Variants in EPN2 observed in about 807,000 individuals in gnomAD.
EPN2 encodes epsin 2.
Under a neutral mutation model 61.7 loss-of-function variants are expected in EPN2, and 34 were observed. The ratio of observed to expected loss-of-function variants is 0.55; its 90% CI spans 0.42 to 0.73. The LOEUF (loss-of-function observed/expected upper bound fraction) is 0.73, where lower values mean the gene tolerates loss of function less well. EPN2 is among the 30% of genes least tolerant of loss of function. EPN2 has a pLI of 0.00. For missense variants in EPN2, 714 were observed against 839.2 expected (o/e 0.85, Z 1.84); for synonymous variants, 349 against 353.6 (o/e 0.99, Z 0.15).
rs2045380842 is a variant in EPN2, at chr17:19,283,862, G to A, written c.595+148G>A. 1 of 641,964 alleles carries A rather than the reference G, an allele frequency of 1.6e-6. No individual in the cohort carries two copies. Among genetic ancestry groups the A allele is most frequent in the Non-Finnish European group, 2.7e-6 (1 of 376,410 alleles). The allele number at this position is 641,964 out of a possible 1,614,324, so 39.8% of individuals were successfully genotyped here. A position where few individuals can be genotyped will look rare whatever the true frequency, so the allele number is the denominator to read the frequency against. On this transcript the variant is annotated intron_variant, in intron 3 of 10. Coordinates refer to ENST00000314728, the MANE Select transcript of EPN2 (RefSeq NM_014964.5). The surrounding 1 kb of genome is among the most constrained non-coding windows in gnomAD (Gnocchi z 7.0). ...CAGCTTTTGGTGGCCCAGGCAAATT[G>A]TCCTTGGTCTGGATTGAGTTTTGGT...
intron 7 of EPN2, among the ~76,000 whole-genome samples, chr17:19,327,614 GTGAGCTGTGAT>G (rs2152238821): frequency 6.6e-6 from 1 of 152,274 alleles, no homozygotes; most frequent in Non-Finnish European, 1.5e-5. Context: ...TGGAGGCGTA[GTGAGCTGTGAT>G]TGCACCACTG....
At chr17:19,316,985 G>A (rs1238834365) in intron 7 of EPN2, among the ~76,000 whole-genome samples, 2 of 152,226 alleles carry the variant, frequency 1.3e-5, no homozygotes, top group Non-Finnish European at 1.5e-5. Flanking sequence ...TAGCCTCAGA[G>A]CAAGAGTGTG....
At chr17:19,308,534 TG>T (rs1416668612) in intron 4 of EPN2, 4 of 984,996 alleles carry the variant, frequency 4.1e-6, no homozygotes, top group Non-Finnish European at 4.8e-6. Flanking sequence ...GGTGCAGAGG[TG>T]CAGAGTCTGA....
intron 4 of EPN2, among the ~76,000 whole-genome samples, chr17:19,287,066 G>A (rs1266857305): frequency 6.6e-6 from 1 of 152,006 alleles, no homozygotes; most frequent in African/African-American, 2.4e-5. Context: ...TGTTACCCTG[G>A]CCCTCTAGCT....
intron 1 of EPN2, among the ~76,000 whole-genome samples, chr17:19,268,185 T>C (rs1458649847): frequency 1.3e-5 from 2 of 152,196 alleles, no homozygotes; most frequent in East Asian, 3.9e-4. Context: ...GTCTTGTCCT[T>C]GTCTTCTCAG....
At chr17:19,311,940 C>T in intron 5 of EPN2, 112 bp from the exon 6 acceptor site, 2 of 756,982 alleles carry the variant, frequency 2.6e-6, no homozygotes, top group Non-Finnish European at 4.6e-6. Flanking sequence ...GTTTTGAAAT[C>T]TTCCTTTGAA....
chr17:19,305,720 A>G (rs1164835005), intron 4 of EPN2, among the ~76,000 whole-genome samples: 1 of 152,058 alleles, frequency 6.6e-6, no homozygotes, highest in East Asian at 1.9e-4. Context: ...CACAGAGTAC[A>G]GGCACCCAGG....
At chr17:19,332,768 C>T (rs982131138) in intron 10 of EPN2, among the ~76,000 whole-genome samples, 3 of 152,228 alleles carry the variant, frequency 2.0e-5, no homozygotes, top group African/African-American at 7.2e-5. Context: ...TCTTCCTCAT[C>T]CTTTGACACC....
chr17:19,275,410 T>G (rs2045296245), intron 1 of EPN2, among the ~76,000 whole-genome samples: 1 of 152,172 alleles, frequency 6.6e-6, no homozygotes, highest in Non-Finnish European at 1.5e-5. Flanking sequence ...GCAGACCACG[T>G]GTTGTTATGT....
chr17:19,323,510 G>T (rs1478249941), intron 7 of EPN2, among the ~76,000 whole-genome samples: 1 of 152,156 alleles, frequency 6.6e-6, no homozygotes, highest in Non-Finnish European at 1.5e-5. Flanking sequence ...CATATCATCA[G>T]GAAACTGCAG....
chr17:19,265,779 C>T (rs2045191286), intron 1 of EPN2, among the ~76,000 whole-genome samples: 1 of 152,226 alleles, frequency 6.6e-6, no homozygotes, highest in African/African-American at 2.4e-5. Flanking sequence ...CCTGTCCTGC[C>T]AGCACCTCCA....
chr17:19,321,523 G>A (rs1269831867), intron 7 of EPN2, among the ~76,000 whole-genome samples: 1 of 152,172 alleles, frequency 6.6e-6, no homozygotes, highest in African/African-American at 2.4e-5. Context: ...ACTGGAAGTG[G>A]GTGAGGGGAG....
At chr17:19,249,012 A>G (rs1447563265) in intron 1 of EPN2, among the ~76,000 whole-genome samples, 1 of 152,224 alleles carries the variant, frequency 6.6e-6, no homozygotes, top group Admixed American at 6.5e-5. Context: ...AGGAGGGCGC[A>G]GAGGAGGAAG....
At chr17:19,315,312 G>A (rs1217967603) in intron 7 of EPN2, among the ~76,000 whole-genome samples, 3 of 152,096 alleles carry the variant, frequency 2.0e-5, no homozygotes, top group African/African-American at 7.2e-5. Flanking sequence ...ACCATGTTGA[G>A]AGCACCCTGG....
At position 19,270,118 on chromosome 17, in the gene EPN2, C is replaced by T. The variant is rs368824433; in HGVS notation, c.-293-11837C>T. 2.0e-5 allele frequency among the ~76,000 whole-genome samples: 3 copies of T among 152,292 alleles called. No individual in the cohort carries two copies. In the East Asian group the frequency reaches 5.8e-4, roughly 29 times the overall value. On this transcript the variant is annotated intron_variant, in intron 1 of 10. Transcript: ENST00000314728. ...TCAGTTACTTAGCCTCTCTTTGCTT[C>T]ACTTTTCCTCCTCTGTAAGATATGA... is the stretch of plus-strand genomic sequence containing the variant.
At chr17:19,238,113 C>T (rs1314051462) in intron 1 of EPN2, among the ~76,000 whole-genome samples, 1 of 152,178 alleles carries the variant, frequency 6.6e-6, no homozygotes, top group Admixed American at 6.5e-5. Flanking sequence ...CCAGGCTCCC[C>T]ACTCCCCAGC....
chr17:19,287,156 C>T (rs1039179632), intron 4 of EPN2, among the ~76,000 whole-genome samples: 1 of 151,988 alleles, frequency 6.6e-6, no homozygotes, highest in Non-Finnish European at 1.5e-5. Context: ...GCCATCTTCC[C>T]CCACTGCGGC....
Position 19,324,811 on chromosome 17 carries a change from C to T in EPN2, c.1148-3900C>T, listed in dbSNP as rs535456088. 3.9e-4 allele frequency among the ~76,000 whole-genome samples: 60 copies of T among 152,162 alleles called. 2 individuals are homozygous for T. The Middle Eastern group carries it at 0.014, about 35-fold the overall frequency. Reference sequence around the variant, plus strand: ...TAGAAATTAATGAAAAGAACATAAACACATAATAGTATCCGTAAAGACAAG... The same window carrying T: ...TAGAAATTAATGAAAAGAACATAAATACATAATAGTATCCGTAAAGACAAG... On this transcript the variant is annotated intron_variant, in intron 7 of 10. Transcript: ENST00000314728.
At chr17:19,279,725 G>T (rs1410114145) in intron 1 of EPN2, 1 of 150,112 alleles carries the variant, frequency 6.7e-6, no homozygotes, top group Admixed American at 6.6e-5. Flanking sequence ...GTGAGCCACC[G>T]CACCCTGCAG....
Sources: allele counts gnomAD v4.1 joint callset (sites outside exome capture counted in the v4.1 genomes callset), GRCh38; gene constraint gnomAD v4.1.1; non-coding constraint Gnocchi (gnomAD v3.1); transcripts MANE v1.5; gene names NCBI Gene and HGNC (gene_info 2026-07-23, HGNC 2026-07-21).